POLD1: variants seen among roughly 807,000 people sequenced by gnomAD.
POLD1 encodes the protein DNA polymerase delta catalytic subunit.
Under a neutral mutation model 129.7 loss-of-function variants are expected in POLD1, and 79 were observed. That is an observed-to-expected ratio of 0.61 (90% CI 0.51 to 0.73). The LOEUF is 0.73. Ranked by LOEUF, POLD1 falls within the 30% of genes least tolerant of loss-of-function variation. The probability of loss-of-function intolerance (pLI) is 0.00; values close to 1 mark genes in which losing one functional copy is unlikely to be tolerated. For missense variants in POLD1, 1,338 were observed against 1,595.8 expected (o/e 0.84, Z 2.75); for synonymous variants, 714 against 683.3 (o/e 1.04, Z -0.70).
At chr19:50,414,662 C>G (rs1033316914) in intron 19 of POLD1, among the ~76,000 whole-genome samples, 153 bp from the exon 20 acceptor site, 1 of 152,230 alleles carries the variant, frequency 6.6e-6, no homozygotes, top group African/African-American at 2.4e-5. Flanking sequence ...TCCAGCCATA[C>G]AGTGTCTCGG....
At chr19:50,401,357 G>A (rs1468357239) in intron 3 of POLD1, among the ~76,000 whole-genome samples, 68 of 83,890 alleles carry the variant, frequency 8.1e-4, no homozygotes, top group South Asian at 3.1e-3. Context: ...GTGTGTATTT[G>A]TGTATATGTG....
chr19:50,415,347 C>G, intron 20 of POLD1, 91 bp from the exon 21 acceptor site: 2 of 1,319,908 alleles, frequency 1.5e-6, no homozygotes, highest in Middle Eastern at 5.3e-4. Context: ...GCCCTAAGAG[C>G]TCATCCTGGT....
intron 1 of POLD1, among the ~76,000 whole-genome samples, chr19:50,396,861 C>T (rs976554695): frequency 4.0e-5 from 6 of 150,848 alleles, no homozygotes; most frequent in African/African-American, 7.3e-5. Flanking sequence ...TTTGGGAGGC[C>T]GAGGCAGGTG....
rs1019032820 is a variant in POLD1, at chr19:50,416,426, C to T, written c.2851C>T (p.Pro951Ser). Residue 951 changes from proline (P) to serine (S), a missense_variant, in exon 23 of 27, where the codon CCC becomes TCC. Pro to Ser is a moderately conservative substitution (Grantham distance 74). This residue lies in a region of POLD1 where 286 missense variants were observed against 277.5 expected (regional missense o/e 1.03). Transcript: ENST00000440232. ...DPLFVLEHSL[P>S]IDTQYYLEQQ... is the part of the protein sequence containing the mutation. Reference sequence around the variant, plus strand: ...GCTGTTCGTGCTGGAGCACAGCCTGCCCATTGACACGCAGTACTACCTGGA... The same window carrying T: ...GCTGTTCGTGCTGGAGCACAGCCTGTCCATTGACACGCAGTACTACCTGGA... The T allele has an allele frequency of 2.6e-6, 4 of 1,549,680 alleles. No individual in the cohort carries two copies. The highest frequency in any genetic ancestry group is 2.7e-5 in the African/African-American group (2 of 73,044).
At position 50,403,754 on chromosome 19, in the gene POLD1, C is replaced by T. The variant is rs137899863; in HGVS notation, c.1242+157C>T. ...AGGGGCAGCCTAGGCCTGGTCCTGCCCTGCTCCAAGTCGAAAAAGTTACTG... is the reference window on the plus strand; with the variant it reads ...AGGGGCAGCCTAGGCCTGGTCCTGCTCTGCTCCAAGTCGAAAAAGTTACTG... On this transcript the variant is annotated intron_variant, in intron 10 of 26. Transcript: ENST00000440232. 2.2e-3 allele frequency among the ~76,000 whole-genome samples: 342 copies of T among 152,260 alleles called. 1 individual carries two copies. The highest frequency in any genetic ancestry group is 7.4e-3 in the African/African-American group (309 of 41,558).
At chr19:50,408,269 A>T (rs1321371293) in intron 14 of POLD1, among the ~76,000 whole-genome samples, 1 of 152,014 alleles carries the variant, frequency 6.6e-6, no homozygotes, top group Admixed American at 6.6e-5. Context: ...CGGGAGGTGG[A>T]GGTTGCAGTG....
rs1673043 is a variant in POLD1 at position 50,403,272 on chromosome 19, G to A, written c.1137+53G>A. On this transcript the variant is annotated intron_variant, in intron 9 of 26. Coordinates refer to ENST00000440232, the MANE Select transcript of POLD1 (RefSeq NM_002691.4). Reference sequence around the variant, plus strand: ...TTTCCCGGGGTCCCCGCCAGCCTCCGCGTCCTGAGCCATCAGCTCCTGGGT... The same window carrying A: ...TTTCCCGGGGTCCCCGCCAGCCTCCACGTCCTGAGCCATCAGCTCCTGGGT... The A allele has an allele frequency of 0.11, 163,288 of 1,482,526 alleles. 19,027 individuals are homozygous for A. The highest frequency in any genetic ancestry group is 0.57 in the African/African-American group (41,148 of 71,898). 91.8% of individuals were successfully genotyped at this position (1,482,526 alleles called of 1,614,324 possible).
Position 50,411,473 on chromosome 19 carries a change from C to T in POLD1, c.2154+1807C>T, listed in dbSNP as rs573426676. 8.6e-5 allele frequency among the ~76,000 whole-genome samples: 13 copies of T among 150,314 alleles called. No individual in the cohort carries two copies. In the South Asian group the frequency reaches 2.7e-3, roughly 32 times the overall value. On this transcript the variant is annotated intron_variant, in intron 17 of 26. Coordinates refer to ENST00000440232, the MANE Select transcript of POLD1 (RefSeq NM_002691.4). ...TCAGCCGCTTCCCTCTGTCACTGTT[C>T]TGTTTCTGTCTCTTGACCTCTTTCC...
In POLD1 at chr19:50,402,286, G is replaced by A. The variant is rs373001984; in HGVS notation, c.671G>A (p.Arg224His). The change falls in exon 6 of 27, where the codon CGC (arginine) becomes CAC (histidine). Residue 224 changes from arginine (R) to histidine (H), a missense_variant. Transcript: ENST00000440232. ...VALPRLVAPA[R>H]RLLEQGIRVA... Reference sequence around the variant, plus strand: ...CTGCCGCGCCTCGTGGCCCCGGCCCGCCGTCTCCTGGAACAGGGCATCCGT... The same window carrying A: ...CTGCCGCGCCTCGTGGCCCCGGCCCACCGTCTCCTGGAACAGGGCATCCGT... The A allele has an allele frequency of 3.1e-5, 50 of 1,608,840 alleles. No homozygotes were observed. The highest frequency in any genetic ancestry group is 9.4e-5 in the African/African-American group (7 of 74,814).
At chr19:50,385,526 CTTT>C (rs760846797) in intron 1 of POLD1, among the ~76,000 whole-genome samples, 4,220 of 128,860 alleles carry the variant, frequency 0.033, 182 homozygotes, top group African/African-American at 0.12. Flanking sequence ...ACTGTCTTCT[CTTT>C]TTTTTTTTTT....
intron 24 of POLD1, 88 bp downstream of exon 24, chr19:50,416,811 C>T: frequency 8.9e-7 from 1 of 1,123,374 alleles, no homozygotes; most frequent in South Asian, 1.5e-5. Context: ...CATCGGCTGG[C>T]ACTGCCACCC....
chr19:50,389,442 A>G (rs1168865564), intron 1 of POLD1, among the ~76,000 whole-genome samples: 1 of 151,952 alleles, frequency 6.6e-6, no homozygotes, highest in Non-Finnish European at 1.5e-5. Flanking sequence ...AGCTCTTAAG[A>G]ACAGGGATGT....
intron 3 of POLD1, among the ~76,000 whole-genome samples, chr19:50,400,133 A>ATGTTTTTTTTTT (rs2038529184): frequency 2.1e-5 from 1 of 48,132 alleles, no homozygotes; most frequent in Non-Finnish European, 4.3e-5. Flanking sequence ...TTTTTAAAAG[A>ATGTTTTTTTTTT]TTTTTTTTTT....
chr19:50,406,886 C>T lies in POLD1; in HGVS notation c.1495-97C>T. On this transcript the variant is annotated intron_variant, in intron 12 of 26. Coordinates refer to ENST00000440232, the MANE Select transcript of POLD1 (RefSeq NM_002691.4). The surrounding 1 kb of genome is among the most constrained non-coding windows in gnomAD (Gnocchi z 5.5). ...TCCTGCCCGCCTCACCTCCCAGGCC[C>T]TCCCCAGGCTACCTCACCCTGACCC... The T allele has an allele frequency of 9.5e-7, 1 of 1,047,726 alleles. No homozygotes were observed. The highest frequency in any genetic ancestry group is 1.6e-5 in the African/African-American group (1 of 63,014). 64.9% of individuals were successfully genotyped at this position (1,047,726 alleles called of 1,614,324 possible).
At chr19:50,401,381 ATATATATATATTTTTTT>A (rs1327192595) in intron 3 of POLD1, among the ~76,000 whole-genome samples, 7 of 57,232 alleles carry the variant, frequency 1.2e-4, no homozygotes, top group Non-Finnish European at 2.2e-4. Flanking sequence ...ATATATATAT[ATATATATATATTTTTTT>A]TTTTTTTTTT....
chr19:50,415,666 C>T (rs547585525), intron 21 of POLD1, 58 bp from the exon 22 acceptor site: 176 of 1,473,320 alleles, frequency 1.2e-4, no homozygotes, highest in Middle Eastern at 2.4e-4. Context: ...CCTACACCCT[C>T]GCCCCCACCC....
At position 50,406,583 on chromosome 19, in the gene POLD1, T is replaced by A; in HGVS notation, c.1494+66T>A. 8.3e-7 allele frequency: 1 copy of A among 1,204,578 alleles called. No homozygotes were observed. The highest frequency in any genetic ancestry group is 1.2e-6 in the Non-Finnish European group (1 of 834,446). 74.6% of individuals were successfully genotyped at this position (1,204,578 alleles called of 1,614,324 possible). A position where few individuals can be genotyped will look rare whatever the true frequency, so the allele number is the denominator to read the frequency against. On this transcript the variant is annotated intron_variant, in intron 12 of 26. Transcript: ENST00000440232. The surrounding 1 kb of genome is among the most constrained non-coding windows in gnomAD (Gnocchi z 5.5). ...CTCCACCTCACCCTTCCCCGGCCTC[T>A]GACCTCAACTTCACGCCCCCACGTC...
At chr19:50,391,516 C>T (rs959889022) in intron 1 of POLD1, among the ~76,000 whole-genome samples, 20 of 152,134 alleles carry the variant, frequency 1.3e-4, no homozygotes, top group Non-Finnish European at 2.5e-4. Flanking sequence ...GCCAACACGG[C>T]GAAACCCCGT....
intron 1 of POLD1, among the ~76,000 whole-genome samples, chr19:50,386,027 G>A (rs928913996): frequency 5.9e-5 from 9 of 152,216 alleles, no homozygotes; most frequent in East Asian, 3.8e-4. Context: ...TCCAGAGTGC[G>A]CTGAGCTATG....
Sources: gnomAD v4.1 joint callset for allele counts (sites outside exome capture counted in the v4.1 genomes callset) on GRCh38, gnomAD v4.1.1 for gene constraint, gnomAD v4.1.1 regional missense constraint, Gnocchi (gnomAD v3.1) non-coding constraint, MANE v1.5 for transcripts, NCBI Gene and HGNC (gene_info 2026-07-23, HGNC 2026-07-21) for gene names.